STIM1: variants seen among roughly 807,000 people sequenced by gnomAD.
STIM1 encodes stromal interaction molecule 1.
A neutral mutation model predicts 74.7 loss-of-function variants in STIM1; 25 were observed. That is an observed-to-expected ratio of 0.33 (90% CI 0.24 to 0.47). STIM1 has a LOEUF of 0.47. Ranked by LOEUF, STIM1 falls within the 20% of genes least tolerant of loss-of-function variation. The probability of loss-of-function intolerance (pLI) is 1.00; values close to 1 mark genes in which losing one functional copy is unlikely to be tolerated. For missense variants in STIM1, 728 were observed against 920.8 expected (o/e 0.79, Z 2.71); for synonymous variants, 328 against 348.8 (o/e 0.94, Z 0.66).
intron 1 of STIM1, among the ~76,000 whole-genome samples, chr11:3,896,429 C>A (rs1276941292): frequency 1.3e-5 from 2 of 152,210 alleles, no homozygotes; most frequent in Non-Finnish European, 2.9e-5. Flanking sequence ...GGATTCAGAT[C>A]TAAGTCTATT....
chr11:4,089,528 T>C (rs1490124234), intron 12 of STIM1, among the ~76,000 whole-genome samples: 3 of 152,254 alleles, frequency 2.0e-5, no homozygotes, highest in East Asian at 1.9e-4. Flanking sequence ...GTGTCAGATA[T>C]ATGAAACCAA....
chr11:4,063,875 T>C (rs1273216343), intron 5 of STIM1, among the ~76,000 whole-genome samples: 4 of 152,176 alleles, frequency 2.6e-5, no homozygotes, highest in African/African-American at 9.7e-5. Context: ...CATTTTATGA[T>C]TTTTGGGAGG....
chr11:4,026,589 T>G (rs2093999702), intron 3 of STIM1, among the ~76,000 whole-genome samples: 1 of 152,206 alleles, frequency 6.6e-6, no homozygotes, highest in African/African-American at 2.4e-5. Flanking sequence ...CACCTGCACT[T>G]CTGACCAGCT....
intron 3 of STIM1, among the ~76,000 whole-genome samples, chr11:4,036,698 GGTT>G (rs1159088275): frequency 6.6e-6 from 1 of 152,018 alleles, no homozygotes; most frequent in African/African-American, 2.4e-5. Context: ...TTTTTAATGG[GGTT>G]GTTTATTTTT....
chr11:4,029,591 GAGAGAGAGAC>G (rs1207598254), intron 3 of STIM1, among the ~76,000 whole-genome samples: 1 of 132,928 alleles, frequency 7.5e-6, no homozygotes, highest in Non-Finnish European at 1.6e-5. Context: ...GTGGGGGTGG[GAGAGAGAGAC>G]AGAGAGAGAC....
chr11:3,884,642 C>G (rs2091637007), intron 1 of STIM1, among the ~76,000 whole-genome samples: 1 of 152,124 alleles, frequency 6.6e-6, no homozygotes, highest in African/African-American at 2.4e-5. Context: ...CTCAGTTCAG[C>G]CTTATTTCTT....
At chr11:3,985,638 T>C (rs1160938861) in intron 2 of STIM1, among the ~76,000 whole-genome samples, 2 of 152,130 alleles carry the variant, frequency 1.3e-5, no homozygotes, top group Non-Finnish European at 2.9e-5. Flanking sequence ...CACAGAGTGG[T>C]AGGCAGAATG....
At chr11:3,854,833 C>T (rs139331519), upstream of STIM1, 1 of 152,424 alleles carries the variant, frequency 6.6e-6, no homozygotes, top group Non-Finnish European at 1.5e-5. Context: ...CCCTTTAGCC[C>T]AGACTCAAGG....
At chr11:3,941,653 CATATAT>C (rs56890594) in intron 1 of STIM1, among the ~76,000 whole-genome samples, 4,749 of 122,750 alleles carry the variant, frequency 0.039, 138 homozygotes, top group South Asian at 0.079. Flanking sequence ...TGTGTGTATA[CATATAT>C]ATATATATAT....
chr11:4,007,608 A>G (rs1270955415), intron 2 of STIM1, among the ~76,000 whole-genome samples: 2 of 152,192 alleles, frequency 1.3e-5, no homozygotes, highest in East Asian at 3.8e-4. Context: ...GCACTATGGG[A>G]GCACAGAAGA....
At chr11:4,078,991 T>G (rs2094451159) in intron 7 of STIM1, among the ~76,000 whole-genome samples, 1 of 151,930 alleles carries the variant, frequency 6.6e-6, no homozygotes, top group African/African-American at 2.4e-5. Flanking sequence ...ATTTATTAAT[T>G]CATTTAAAAT....
rs533798079 is a variant in STIM1 at position 4,035,529 on chromosome 11, C to CT, written c.385+11552dup. 1.5e-4 allele frequency among the ~76,000 whole-genome samples: 22 copies of CT among 147,248 alleles called. No individual in the cohort carries two copies. The East Asian group carries it at 2.6e-3, about 17-fold the overall frequency. ...TCATTATATTGGATGAAATGTTGTG[C>CT]TTTTTTTTTTGACTTAGCTCAAAAT... On this transcript the variant is annotated intron_variant, in intron 3 of 12. Transcript: ENST00000526596.
chr11:3,987,502 C>G (rs184799427), intron 2 of STIM1, among the ~76,000 whole-genome samples: 7,134 of 152,136 alleles, frequency 0.047, 526 homozygotes, highest in African/African-American at 0.16. Context: ...TTGCTTGGCT[C>G]TGTCTTTGGG....
intron 1 of STIM1, among the ~76,000 whole-genome samples, chr11:3,863,147 G>A (rs1302477212): frequency 6.6e-6 from 1 of 151,862 alleles, no homozygotes; most frequent in African/African-American, 2.4e-5. Flanking sequence ...ACCTGTCTCA[G>A]CCTCCCAAAG....
intron 1 of STIM1, among the ~76,000 whole-genome samples, chr11:3,904,125 A>T (rs2092414998): frequency 7.3e-6 from 1 of 136,626 alleles, no homozygotes; most frequent in Non-Finnish European, 1.5e-5. Flanking sequence ...TGAACCCGGG[A>T]GGCAGAGGTT....
intron 2 of STIM1, among the ~76,000 whole-genome samples, chr11:4,002,326 C>T (rs1170603672): frequency 2.0e-5 from 3 of 152,266 alleles, no homozygotes; most frequent in African/African-American, 7.2e-5. Context: ...AAATTGACCA[C>T]ATAGTTGGAA....
chr11:3,950,818 C>A (rs1207247448), intron 1 of STIM1, among the ~76,000 whole-genome samples: 2 of 152,050 alleles, frequency 1.3e-5, no homozygotes, highest in African/African-American at 4.8e-5. Context: ...TTTGTAGAGA[C>A]AGGATCTTGC....
At chr11:3,899,513 T>G (rs1483929449) in intron 1 of STIM1, among the ~76,000 whole-genome samples, 28 of 151,696 alleles carry the variant, frequency 1.8e-4, no homozygotes, top group Non-Finnish European at 3.4e-4. Context: ...TTTATTTCCT[T>G]CTCCTGCCTA....
At chr11:4,080,523 G>T (rs2094460074) in intron 7 of STIM1, among the ~76,000 whole-genome samples, 1 of 149,202 alleles carries the variant, frequency 6.7e-6, no homozygotes, top group South Asian at 2.1e-4. Flanking sequence ...CTGGAGTGTG[G>T]TAGCACGATC....
Sources: allele counts gnomAD v4.1 joint callset (sites outside exome capture counted in the v4.1 genomes callset), GRCh38; gene constraint gnomAD v4.1.1; transcripts MANE v1.5; gene names NCBI Gene and HGNC (gene_info 2026-07-23, HGNC 2026-07-21).